The following ADH4 variants were observed in gnomAD, a reference collection of about 807,000 sequenced individuals.
ADH4 encodes the protein alcohol dehydrogenase 4 (class II), pi polypeptide.
ADH4 carries 31 observed loss-of-function variants against 35.2 expected under a neutral mutation model. The ratio of observed to expected loss-of-function variants is 0.88; its 90% CI spans 0.66 to 1.19. The LOEUF (loss-of-function observed/expected upper bound fraction) is 1.19, where lower values mean the gene tolerates loss of function less well. ADH4 is among the 50% of genes most tolerant of loss of function. The pLI, the probability that ADH4 is intolerant of heterozygous loss-of-function variation, is 0.00. For synonymous variants in ADH4, 171 were observed against 160.2 expected (o/e 1.07, Z -0.51); for missense variants, 476 against 458.3 (o/e 1.04, Z -0.35).
At chr4:99,144,114 T>G (rs905002815) in intron 1 of ADH4, 91 bp downstream of exon 1, 2 of 1,436,508 alleles carry the variant, frequency 1.4e-6, no homozygotes, top group Non-Finnish European at 2.0e-6. Context: ...AAGTCACTGC[T>G]TCCTGAGTTC....
At chr4:99,127,450 G>T in intron 6 of ADH4, 106 bp from the exon 7 acceptor site, 1 of 833,348 alleles carries the variant, frequency 1.2e-6, no homozygotes, top group Non-Finnish European at 1.8e-6. Flanking sequence ...AACTCTGCAT[G>T]TAAGATAATG....
intron 4 of ADH4, among the ~76,000 whole-genome samples, chr4:99,138,417 G>T (rs7670060): frequency 0.21 from 31,269 of 152,004 alleles, 3,952 homozygotes; most frequent in Non-Finnish European, 0.28. Context: ...CTGTAGTCTA[G>T]TAAAGCAAAA....
At position 99,124,535 on chromosome 4, in the gene ADH4, G is replaced by A. The variant is rs534936063; in HGVS notation, c.1119-69C>T. 4.4e-5 allele frequency: 47 copies of A among 1,059,470 alleles called. No homozygotes were observed. In the African/African-American group the frequency reaches 6.5e-4, roughly 15 times the overall value. The allele number at this position is 1,059,470 out of a possible 1,614,324, so 65.6% of individuals were successfully genotyped here. On this transcript the variant is annotated intron_variant, in intron 8 of 8. Transcript: ENST00000265512. ...AAATTTAACCAAAGCTCACAAATAA[G>A]TTTTGCCTTTTCATTTCAGGATCTG...
In ADH4 at chr4:99,139,167, T is replaced by A. The variant is rs778753029; in HGVS notation, c.263-19A>T. 6.4e-7 allele frequency: 1 copy of A among 1,552,656 alleles called. No individual in the cohort carries two copies. The highest frequency in any genetic ancestry group is 1.7e-5 in the Admixed American group (1 of 59,618). ...TTGTCACCTAGAAAGAAAGGCCATA[T>A]GTTGGATGGTGCCTAAGGTGTTACT... On this transcript the variant is annotated intron_variant, in intron 3 of 8. Transcript: ENST00000265512.
At chr4:99,138,486 C>T (rs549118956) in intron 4 of ADH4, among the ~76,000 whole-genome samples, 1 of 152,284 alleles carries the variant, frequency 6.6e-6, no homozygotes, top group South Asian at 2.1e-4. Flanking sequence ...AAACCTGGCT[C>T]TAAGACTTAT....
In ADH4 at chr4:99,124,480, TA is replaced by T. The variant is rs376158155; in HGVS notation, c.1119-15del. The T allele has an allele frequency of 1.0e-4, 145 of 1,445,344 alleles. 1 individual carries two copies. The East Asian group carries it at 1.7e-3, about 17-fold the overall frequency. 89.5% of individuals were successfully genotyped at this position (1,445,344 alleles called of 1,614,324 possible). ...ATTGTTCGGACGCTGTTAATAACAA[TA>T]AAACATTAATAAGTATAATTTTCAT... On this transcript the variant is annotated splice_polypyrimidine_tract_variant and intron_variant, in intron 8 of 8. Coordinates refer to ENST00000265512, the MANE Select transcript of ADH4 (RefSeq NM_000670.5).
intron 4 of ADH4, among the ~76,000 whole-genome samples, chr4:99,138,281 C>G (rs963107711): frequency 1.3e-5 from 2 of 152,100 alleles, no homozygotes; most frequent in Non-Finnish European, 2.9e-5. Flanking sequence ...GTCTATGAAG[C>G]AGGCATTATT....
intron 6 of ADH4, among the ~76,000 whole-genome samples, 170 bp from the exon 7 acceptor site, chr4:99,127,514 A>C (rs1245405284): frequency 6.6e-6 from 1 of 152,210 alleles, no homozygotes; most frequent in Non-Finnish European, 1.5e-5. Flanking sequence ...TTGAGGGCCC[A>C]GTGTTCCATT....
At position 99,126,696 on chromosome 4, in the gene ADH4, G is replaced by A. The variant is rs376222749; in HGVS notation, c.1016C>T (p.Thr339Ile). 1.9e-6 allele frequency: 3 copies of A among 1,609,716 alleles called. No homozygotes were observed. The highest frequency in any genetic ancestry group is 2.5e-6 in the Non-Finnish European group (3 of 1,177,002). ...KSVDSIPKLV[T>I]DYKNKKFNLD... ...ATTGAATTTCTTATTCTTATAGTCA[G>A]TGACCAGCTTTGGGATAGAATCTAC... The change falls in exon 8 of 9, where the codon ACT becomes ATT. Residue 339 changes from threonine (T) to isoleucine (I), a missense_variant. Physicochemically the swap from Thr to Ile is moderately conservative, Grantham distance 89. Coordinates refer to ENST00000265512, the MANE Select transcript of ADH4 (RefSeq NM_000670.5).
chr4:99,132,464 G>A (rs1326832804), intron 5 of ADH4, among the ~76,000 whole-genome samples: 1 of 152,086 alleles, frequency 6.6e-6, no homozygotes, highest in Non-Finnish European at 1.5e-5. Context: ...AGAAATCAAT[G>A]CCTGTCTTTT....
At position 99,141,640 on chromosome 4, in the gene ADH4, C is replaced by T. The variant is rs557732938; in HGVS notation, c.163G>A (p.Asp55Asn). ...SLCHTDATVI[D>N]SKFEGLAFPV... ...AAAGCTAGGCCCTCAAATTTAGAAT[C>T]GATAACAGTGGCATCAGTATGGCAC... Residue 55 changes from aspartate to asparagine, a missense_variant, in exon 3 of 9, where the codon GAT becomes AAT. By Grantham distance (23) the Asp-to-Asn change is conservative. Coordinates refer to ENST00000265512, the MANE Select transcript of ADH4 (RefSeq NM_000670.5). 8.7e-6 allele frequency: 14 copies of T among 1,613,932 alleles called. No homozygotes were observed. In the African/African-American group the frequency reaches 9.3e-5, roughly 11 times the overall value.
intron 2 of ADH4, among the ~76,000 whole-genome samples, chr4:99,142,388 G>A (rs535689081): frequency 5.3e-5 from 8 of 152,202 alleles, no homozygotes; most frequent in Admixed American, 1.3e-4. Flanking sequence ...AAAGCAAAAA[G>A]AAAACCTAAC....
chr4:99,140,730 G>A (rs1729583726), intron 3 of ADH4, among the ~76,000 whole-genome samples: 1 of 152,078 alleles, frequency 6.6e-6, no homozygotes, highest in African/African-American at 2.4e-5. Context: ...AGCCGGGTGT[G>A]GTGGCACATG....
intron 1 of ADH4, among the ~76,000 whole-genome samples, chr4:99,143,693 G>A (rs1397480031): frequency 6.9e-6 from 1 of 145,338 alleles, no homozygotes; most frequent in Non-Finnish European, 1.6e-5. Flanking sequence ...TTCAAATGAA[G>A]TATATATTAA....
intron 8 of ADH4, among the ~76,000 whole-genome samples, chr4:99,125,778 A>ATCT (rs1200834520): frequency 6.6e-6 from 1 of 152,158 alleles, no homozygotes; most frequent in Non-Finnish European, 1.5e-5. Context: ...CCATGAAACT[A>ATCT]TCTTCTTCTT....
intron 7 of ADH4, 62 bp from the exon 8 acceptor site, chr4:99,126,794 C>T: frequency 6.8e-7 from 1 of 1,467,358 alleles, no homozygotes; most frequent in South Asian, 1.5e-5. Flanking sequence ...GTTTAATCAG[C>T]ATTTGCTGAA....
chr4:99,142,757 G>C lies in ADH4; in HGVS notation c.42C>G (p.Ile14Met), dbSNP rs143067434. 4.4e-6 allele frequency: 7 copies of C among 1,602,486 alleles called. No individual in the cohort carries two copies. The highest frequency in any genetic ancestry group is 1.8e-4 in the Middle Eastern group (1 of 5,478). ...KGKVIKCKAAIAWEAGKPLCI... is the reference protein window; with the variant it reads ...KGKVIKCKAAMAWEAGKPLCI... Reference sequence around the variant, plus strand: ...AAAGGGGCTTGCCTGCTTCCCAGGCGATGGCTGCTTTGCATTTAATAACCT... The same window carrying C: ...AAAGGGGCTTGCCTGCTTCCCAGGCCATGGCTGCTTTGCATTTAATAACCT... The change falls in exon 2 of 9, where the codon ATC (isoleucine) becomes ATG (methionine). Residue 14 changes from isoleucine to methionine, a missense_variant. By Grantham distance (10) the Ile-to-Met change is conservative. Transcript: ENST00000265512.
intron 3 of ADH4, 145 bp from the exon 4 acceptor site, chr4:99,139,293 TACAAG>T: frequency 1.7e-6 from 1 of 583,572 alleles, no homozygotes; most frequent in Admixed American, 3.4e-5. Context: ...TTCATTACCT[TACAAG>T]ACTGCAGATT....
chr4:99,136,511 T>A lies in ADH4; in HGVS notation c.537A>T (p.Gly179=). ...CCCCATAGCCAGTTGAAAACCCACA[T>A]CCAAGCAGACAAACTCTCTCTAAAT... is the stretch of plus-strand genomic sequence containing the variant. The part of the protein sequence containing the change: ...DANLERVCLL[G]CGFSTGYGAA... Residue 179 remains glycine (G), a synonymous_variant, in exon 5 of 9, where the codon GGA becomes GGT. Transcript: ENST00000265512. The A allele has an allele frequency of 1.2e-6, 2 of 1,614,114 alleles. No homozygotes were observed. Among genetic ancestry groups the A allele is most frequent in the Non-Finnish European group, 1.7e-6 (2 of 1,180,000 alleles).
Sources: gnomAD v4.1 joint callset for allele counts (sites outside exome capture counted in the v4.1 genomes callset) on GRCh38, gnomAD v4.1.1 for gene constraint, MANE v1.5 for transcripts, NCBI Gene and HGNC (gene_info 2026-07-23, HGNC 2026-07-21) for gene names.